The following GAP43 variants were observed in gnomAD, a reference collection of about 807,000 sequenced individuals.
GAP43 encodes the protein growth associated protein 43.
GAP43 carries 6 observed loss-of-function variants against 18.6 expected under a neutral mutation model. That is an observed-to-expected ratio of 0.32 (90% confidence interval 0.18 to 0.64). GAP43 has a LOEUF of 0.64. Ranked by LOEUF, GAP43 falls within the 30% of genes least tolerant of loss-of-function variation. The pLI, the probability that GAP43 is intolerant of heterozygous loss-of-function variation, is 0.78. For missense variants in GAP43, 292 were observed against 295.5 expected (o/e 0.99, Z 0.09); for synonymous variants, 115 against 111.4 (o/e 1.03, Z -0.20).
At chr3:115,677,094 TATA>T (rs1708902366) in intron 2 of GAP43, among the ~76,000 whole-genome samples, 1 of 152,188 alleles carries the variant, frequency 6.6e-6, no homozygotes, top group Non-Finnish European at 1.5e-5. Flanking sequence ...GCAGCAAAAG[TATA>T]ATCTCAGACC....
Position 115,625,206 on chromosome 3 carries a change from C to CATAAATAAATAAATAAATAA in GAP43, c.30+1492_30+1511dup, listed in dbSNP as rs112440898. ...CAGAGCAGTGGGAGTAGAGATTTGGCATAAATAAATAAATAAATAAATAAG... is the reference window on the plus strand; with the variant it reads ...CAGAGCAGTGGGAGTAGAGATTTGGCATAAATAAATAAATAAATAAATAAATAAATAAATAAATAAATAAG... On this transcript the variant is annotated intron_variant, in intron 1 of 2. Coordinates refer to ENST00000305124, the MANE Select transcript of GAP43 (RefSeq NM_002045.4). 6.1e-3 allele frequency among the ~76,000 whole-genome samples: 869 copies of CATAAATAAATAAATAAATAA among 143,438 alleles called. 7 individuals are homozygous for CATAAATAAATAAATAAATAA. Among genetic ancestry groups the CATAAATAAATAAATAAATAA allele is most frequent in the African/African-American group, 0.02 (780 of 38,122 alleles). The allele number at this position is 143,438 out of a possible 152,430, so 94.1% of individuals were successfully genotyped here.
rs1432084136 is a variant in GAP43 at position 115,721,020 on chromosome 3, C to T, written c.*138C>T. On this transcript the variant is annotated 3_prime_UTR_variant, in exon 3 of 3. Coordinates refer to ENST00000305124, the MANE Select transcript of GAP43 (RefSeq NM_002045.4). ...AGTCTGTCCTTTCCCACCCACTAGC[C>T]CTCTTTCTCTCTGTGTGGCAAACAT... The T allele has an allele frequency of 4.6e-6, 2 of 430,584 alleles. No homozygotes were observed. Among genetic ancestry groups the T allele is most frequent in the Admixed American group, 3.9e-5 (1 of 25,944 alleles). 26.7% of individuals were successfully genotyped at this position (430,584 alleles called of 1,614,324 possible).
rs1709579669 is a variant in GAP43 at position 115,721,473 on chromosome 3, A to G, written c.*591A>G. The G allele has an allele frequency of 1.3e-5, 2 of 152,212 alleles. No individual in the cohort carries two copies. The highest frequency in any genetic ancestry group is 6.5e-5 in the Admixed American group (1 of 15,284). The allele number at this position is 152,212 out of a possible 1,614,324, so 9.4% of individuals were successfully genotyped here. A position where few individuals can be genotyped will look rare whatever the true frequency, so the allele number is the denominator to read the frequency against. ...TCAACCCGAATATTAATAAATCATG[A>G]GAGTAATCAAGGTCCAATGGCTCTG... On this transcript the variant is annotated 3_prime_UTR_variant, in exon 3 of 3. Coordinates refer to ENST00000305124, the MANE Select transcript of GAP43 (RefSeq NM_002045.4).
chr3:115,720,821 A>G lies in GAP43; in HGVS notation c.656A>G (p.Glu219Gly), dbSNP rs769756372. 6.8e-6 allele frequency: 11 copies of G among 1,613,034 alleles called. No individual in the cohort carries two copies. In the South Asian group the frequency reaches 1.1e-4, roughly 16 times the overall value. ...GCTGTAGATGAAACCAAACCTAAGG[A>G]AAGTGCCCGGCAGGACGAGGGTAAA... Reference protein sequence around the residue: ...IEAVDETKPKESARQDEGKEE... With the variant: ...IEAVDETKPKGSARQDEGKEE... The change falls in exon 3 of 3, where the codon GAA (glutamate) becomes GGA (glycine). Residue 219 changes from glutamate to glycine, a missense_variant. Physicochemically the swap from Glu to Gly is moderately conservative, Grantham distance 98. Transcript: ENST00000305124.
At chr3:115,708,086 C>G (rs1224520378) in intron 2 of GAP43, among the ~76,000 whole-genome samples, 1 of 152,092 alleles carries the variant, frequency 6.6e-6, no homozygotes, top group Non-Finnish European at 1.5e-5. Flanking sequence ...TTTCTAGGTA[C>G]TTGGTATTCA....
intron 2 of GAP43, among the ~76,000 whole-genome samples, chr3:115,683,128 C>T (rs1352270863): frequency 5.9e-4 from 74 of 124,570 alleles, no homozygotes; most frequent in East Asian, 2.8e-3. Context: ...TACATGTGCG[C>T]GCGCGTGCGC....
intron 2 of GAP43, among the ~76,000 whole-genome samples, chr3:115,703,775 A>G (rs1709325475): frequency 6.6e-6 from 1 of 152,110 alleles, no homozygotes; most frequent in Non-Finnish European, 1.5e-5. Context: ...ATGACTCTAT[A>G]GAGCTATCCT....
intron 2 of GAP43, among the ~76,000 whole-genome samples, chr3:115,713,336 T>C (rs1270758802): frequency 1.3e-5 from 2 of 152,186 alleles, no homozygotes; most frequent in African/African-American, 4.8e-5. Context: ...ATTTAATCAA[T>C]GTTGACAAGG....
intron 2 of GAP43, among the ~76,000 whole-genome samples, chr3:115,693,736 A>C (rs1456598197): frequency 8.0e-6 from 1 of 124,760 alleles, no homozygotes; most frequent in Admixed American, 9.7e-5. Flanking sequence ...AGAGTTGTGA[A>C]GTCTCATGTG....
chr3:115,683,127 GCGCGCGTGCGCGCGCGCGCGCA>G (rs917142958), intron 2 of GAP43, among the ~76,000 whole-genome samples: 6 of 27,902 alleles, frequency 2.2e-4, no homozygotes, highest in African/African-American at 4.5e-4. Context: ...ATACATGTGC[GCGCGCGTGCGCGCGCGCGCGCA>G]CACACACACA....
At chr3:115,657,150 G>A (rs191051484) in intron 1 of GAP43, among the ~76,000 whole-genome samples, 4 of 152,234 alleles carry the variant, frequency 2.6e-5, no homozygotes, top group African/African-American at 9.6e-5. Flanking sequence ...GGCAAAGGTT[G>A]GAAGAAACAT....
At chr3:115,684,057 A>G (rs146613895) in intron 2 of GAP43, among the ~76,000 whole-genome samples, 57 of 152,328 alleles carry the variant, frequency 3.7e-4, no homozygotes, top group African/African-American at 1.3e-3. Flanking sequence ...ATCATCTCAC[A>G]CCATTCTACT....
intron 1 of GAP43, among the ~76,000 whole-genome samples, chr3:115,647,398 G>A (rs191817050): frequency 1.3e-5 from 2 of 152,034 alleles, no homozygotes; most frequent in Non-Finnish European, 2.9e-5. Flanking sequence ...GAAGAAAGAA[G>A]GTTGATATTT....
At chr3:115,697,369 A>ACTTC (rs1709208064) in intron 2 of GAP43, among the ~76,000 whole-genome samples, 1 of 152,136 alleles carries the variant, frequency 6.6e-6, no homozygotes, top group South Asian at 2.1e-4. Context: ...TTCTAAAGGA[A>ACTTC]CTTCCTCTCC....
At chr3:115,638,108 C>A (rs564885101) in intron 1 of GAP43, among the ~76,000 whole-genome samples, 1 of 152,016 alleles carries the variant, frequency 6.6e-6, no homozygotes, top group African/African-American at 2.4e-5. Flanking sequence ...CAATACTCTA[C>A]CCCTATAATC....
At chr3:115,638,812 C>A (rs1368535772) in intron 1 of GAP43, among the ~76,000 whole-genome samples, 1 of 151,840 alleles carries the variant, frequency 6.6e-6, no homozygotes, top group African/African-American at 2.4e-5. Flanking sequence ...CAGTTATTTT[C>A]TTCTTTATGG....
chr3:115,626,141 C>T (rs543493729), intron 1 of GAP43, among the ~76,000 whole-genome samples: 1 of 152,334 alleles, frequency 6.6e-6, no homozygotes, highest in Non-Finnish European at 1.5e-5. Flanking sequence ...CGCAGGTTGC[C>T]TGCTTGTGGA....
intron 2 of GAP43, among the ~76,000 whole-genome samples, chr3:115,689,257 C>T (rs985701196): frequency 3.9e-5 from 6 of 152,312 alleles, no homozygotes; most frequent in Non-Finnish European, 5.9e-5. Flanking sequence ...GTGCCTAAAA[C>T]GACTGTGTTT....
chr3:115,701,140 T>C (rs1709292555), intron 2 of GAP43, among the ~76,000 whole-genome samples: 1 of 152,202 alleles, frequency 6.6e-6, no homozygotes, highest in Non-Finnish European at 1.5e-5. Flanking sequence ...AAGTGACTAT[T>C]TTAGCTACCA....
Sources: allele counts gnomAD v4.1 joint callset (sites outside exome capture counted in the v4.1 genomes callset), GRCh38; gene constraint gnomAD v4.1.1; transcripts MANE v1.5; gene names NCBI Gene and HGNC (gene_info 2026-07-23, HGNC 2026-07-21).